The following BICD2 variants were observed in gnomAD, a reference collection of about 807,000 sequenced individuals.
BICD2 encodes protein bicaudal D homolog 2.
A neutral mutation model predicts 72.9 loss-of-function variants in BICD2; 25 were observed. That is an observed-to-expected ratio of 0.34 (90% CI 0.25 to 0.48). The LOEUF is 0.48. BICD2 is among the 20% of genes least tolerant of loss of function. The pLI, the probability that BICD2 is intolerant of heterozygous loss-of-function variation, is 0.99. For synonymous variants in BICD2, 501 were observed against 516.1 expected, an observed-to-expected ratio of 0.97 and a Z score of 0.40; for missense variants, 894 against 1,175.2, an observed-to-expected ratio of 0.76 and a Z score of 3.50.
At chr9:92,733,397 G>A (rs1225624020) in intron 1 of BICD2, among the ~76,000 whole-genome samples, 1 of 151,508 alleles carries the variant, frequency 6.6e-6, no homozygotes, top group African/African-American at 2.4e-5. Flanking sequence ...AATTAGCTGG[G>A]CGTGGTGGCG....
In BICD2 at chr9:92,719,373, G is replaced by A; in HGVS notation, c.1272C>T (p.Tyr424=). 6.2e-7 allele frequency: 1 copy of A among 1,614,208 alleles called. No individual in the cohort carries two copies. Among genetic ancestry groups the A allele is most frequent in the Non-Finnish European group, 8.5e-7 (1 of 1,180,034 alleles). Residue 424 remains tyrosine (Y), a synonymous_variant, in exon 5 of 7, where the codon TAC becomes TAT. Transcript: ENST00000356884. The part of the protein sequence containing the change: ...KDRDSHEDGD[Y]YEVDINGPEI... The stretch of plus-strand genomic sequence containing the variant: ...CAGGCCCGTTGATGTCCACCTCGTA[G>A]TAGTCCCCATCCTCATGGCTGTCAC...
intron 1 of BICD2, among the ~76,000 whole-genome samples, chr9:92,749,123 G>C (rs1418650530): frequency 6.6e-6 from 1 of 151,974 alleles, no homozygotes; most frequent in African/African-American, 2.4e-5. Flanking sequence ...AAGGCTGCAG[G>C]AGTCCCTGCA....
intron 1 of BICD2, among the ~76,000 whole-genome samples, chr9:92,737,349 TCTC>T (rs1233651381): frequency 1.1e-4 from 16 of 152,092 alleles, no homozygotes; most frequent in Admixed American, 8.5e-4. Flanking sequence ...TACTCCTTGT[TCTC>T]CTCTCCAGGC....
chr9:92,758,975 C>G (rs1379073105), intron 1 of BICD2, among the ~76,000 whole-genome samples: 2 of 151,954 alleles, frequency 1.3e-5, no homozygotes, highest in Non-Finnish European at 1.5e-5. Context: ...CTGGGCAACA[C>G]AGTGAGACCC....
rs1853375829 is a variant in BICD2 at position 92,718,603 on chromosome 9, G to A, written c.2042C>T (p.Ser681Leu). The change falls in exon 5 of 7, where the codon TCG (serine) becomes TTG (leucine). Residue 681 changes from serine (S) to leucine (L), a missense_variant. Around this residue, in one of 5 missense-constraint regions of BICD2, gnomAD observed 321 missense variants for 443.9 expected, o/e 0.72. Transcript: ENST00000356884. ...CTGCTCCCGCTTGGTGCTGAGCAGC[G>A]ACTTCAGCTTGAGGATCTCCTCCAT... Reference protein sequence around the residue: ...ALMEEILKLKSLLSTKREQIT... With the variant: ...ALMEEILKLKLLLSTKREQIT... The A allele has an allele frequency of 6.2e-7, 1 of 1,613,712 alleles. No individual in the cohort carries two copies. The highest frequency in any genetic ancestry group is 8.5e-7 in the Non-Finnish European group (1 of 1,180,036).
intron 1 of BICD2, among the ~76,000 whole-genome samples, chr9:92,732,511 T>C (rs1265887244): frequency 6.6e-6 from 1 of 152,114 alleles, no homozygotes; most frequent in African/African-American, 2.4e-5. Context: ...TGAAGCAAAC[T>C]ACACCAAGGC....
At chr9:92,726,802 G>A (rs1853577160) in intron 2 of BICD2, among the ~76,000 whole-genome samples, 1 of 152,150 alleles carries the variant, frequency 6.6e-6, no homozygotes, top group African/African-American at 2.4e-5. Flanking sequence ...AGGAACCACA[G>A]AAATCCTCTC....
rs1235459752 is a variant in BICD2 at position 92,714,026 on chromosome 9, G to A, written c.*1128C>T. Reference sequence around the variant, plus strand: ...CTGCTCAGAATGTGGGAAGGCAGGTGTGGATGGAGCCTCTGGAAATGGGAG... The same window carrying A: ...CTGCTCAGAATGTGGGAAGGCAGGTATGGATGGAGCCTCTGGAAATGGGAG... On this transcript the variant is annotated 3_prime_UTR_variant, in exon 7 of 7. Coordinates refer to ENST00000356884, the MANE Select transcript of BICD2 (RefSeq NM_001003800.2). The A allele has an allele frequency of 1.0e-6, 1 of 986,410 alleles. No individual in the cohort carries two copies. Among genetic ancestry groups the A allele is most frequent in the Non-Finnish European group, 1.2e-6 (1 of 830,658 alleles). The allele number at this position is 986,410 out of a possible 1,614,324, so 61.1% of individuals were successfully genotyped here.
At chr9:92,763,860 G>A (rs1184675174) in intron 1 of BICD2, among the ~76,000 whole-genome samples, 1 of 152,184 alleles carries the variant, frequency 6.6e-6, no homozygotes, top group African/African-American at 2.4e-5. Flanking sequence ...CGGCCATGAG[G>A]ACACAGCGCT....
chr9:92,745,031 G>T (rs1853981176), intron 1 of BICD2, among the ~76,000 whole-genome samples: 1 of 152,012 alleles, frequency 6.6e-6, no homozygotes, highest in Non-Finnish European at 1.5e-5. Context: ...TTCATAAAAT[G>T]GATAATATCA....
In BICD2 at chr9:92,729,334, GCAA is replaced by G. The variant is rs140004685; in HGVS notation, c.241-101_241-99del. The stretch of plus-strand genomic sequence containing the variant: ...GCGACATTCATGCTGCAGAACAACA[GCAA>G]CAACAACGGGGACTGTGGGCCTGAA... On this transcript the variant is annotated intron_variant, in intron 1 of 6. Transcript: ENST00000356884. The G allele has an allele frequency of 3.9e-4, 510 of 1,300,462 alleles. 2 individuals are homozygous for G. The African/African-American group carries it at 6.2e-3, about 16-fold the overall frequency. The allele number at this position is 1,300,462 out of a possible 1,614,324, so 80.6% of individuals were successfully genotyped here.
At chr9:92,722,198 C>A (rs1853476581) in intron 3 of BICD2, among the ~76,000 whole-genome samples, 1 of 152,116 alleles carries the variant, frequency 6.6e-6, no homozygotes, top group South Asian at 2.1e-4. Flanking sequence ...CCCTACTCGT[C>A]CCTGTCAGGG....
In BICD2 at chr9:92,714,923, C is replaced by A. The variant is rs1178995339; in HGVS notation, c.*231G>T. ...GCTCTATCCCCACCTCTGACCCCCACCTAAGAGAGCAGCTGAGGACTGGGT... is the reference window on the plus strand; with the variant it reads ...GCTCTATCCCCACCTCTGACCCCCAACTAAGAGAGCAGCTGAGGACTGGGT... On this transcript the variant is annotated 3_prime_UTR_variant, in exon 7 of 7. Transcript: ENST00000356884. 2 of 1,358,098 alleles carry A rather than the reference C, an allele frequency of 1.5e-6. No individual in the cohort carries two copies. The highest frequency in any genetic ancestry group is 1.9e-6 in the Non-Finnish European group (2 of 1,058,426). 84.1% of individuals were successfully genotyped at this position (1,358,098 alleles called of 1,614,324 possible). A position where few individuals can be genotyped will look rare whatever the true frequency, so the allele number is the denominator to read the frequency against.
At chr9:92,730,154 G>A (rs1291982570) in intron 1 of BICD2, among the ~76,000 whole-genome samples, 1 of 152,190 alleles carries the variant, frequency 6.6e-6, no homozygotes, top group Non-Finnish European at 1.5e-5. Flanking sequence ...GTAGAGGGCA[G>A]ACGGGCCGCA....
In BICD2 at chr9:92,713,654, T is replaced by C; in HGVS notation, c.*1500A>G. On this transcript the variant is annotated 3_prime_UTR_variant, in exon 7 of 7. Transcript: ENST00000356884. ...CCCTTAGGAGTATGGAGAGAAGCTA[T>C]GTGCCAGGCTTGCAAGGAGAGGGCA... The C allele has an allele frequency of 6.9e-7, 1 of 1,456,308 alleles. No individual in the cohort carries two copies. The highest frequency in any genetic ancestry group is 9.1e-7 in the Non-Finnish European group (1 of 1,098,392). 90.2% of individuals were successfully genotyped at this position (1,456,308 alleles called of 1,614,324 possible). A position where few individuals can be genotyped will look rare whatever the true frequency, so the allele number is the denominator to read the frequency against.
chr9:92,741,360 C>T (rs571139329), intron 1 of BICD2, among the ~76,000 whole-genome samples: 10 of 152,148 alleles, frequency 6.6e-5, no homozygotes, highest in Non-Finnish European at 1.2e-4. Flanking sequence ...CAGGGTAAAC[C>T]AATTCAATTT....
At chr9:92,747,410 G>A (rs1303972499) in intron 1 of BICD2, among the ~76,000 whole-genome samples, 3 of 152,150 alleles carry the variant, frequency 2.0e-5, no homozygotes, top group South Asian at 4.1e-4. Context: ...CAAAGTCCCC[G>A]CCAGGCTCCT....
At chr9:92,723,169 C>T (rs1018775540) in intron 2 of BICD2, among the ~76,000 whole-genome samples, 1 of 152,114 alleles carries the variant, frequency 6.6e-6, no homozygotes, top group Non-Finnish European at 1.5e-5. Flanking sequence ...TGGTATAGTG[C>T]TCTGGCAAAC....
At chr9:92,728,807 G>A (rs1188125736) in intron 2 of BICD2, among the ~76,000 whole-genome samples, 1 of 152,254 alleles carries the variant, frequency 6.6e-6, no homozygotes, top group African/African-American at 2.4e-5. Context: ...GCAAGCCAGA[G>A]GCAGTGGAAC....
Sources: allele counts gnomAD v4.1 joint callset (sites outside exome capture counted in the v4.1 genomes callset), GRCh38; gene constraint gnomAD v4.1.1; regional missense constraint gnomAD v4.1.1; transcripts MANE v1.5; gene names NCBI Gene and HGNC (gene_info 2026-07-23, HGNC 2026-07-21).